SP3: variants seen among roughly 807,000 people sequenced by gnomAD.
SP3 encodes the protein Sp3 transcription factor, also known as transcription factor Sp3.
SP3 carries 10 observed loss-of-function variants against 70.3 expected under a neutral mutation model. The observed-to-expected ratio is 0.14, with a 90% CI of 0.09 to 0.24. The LOEUF (loss-of-function observed/expected upper bound fraction) is 0.24. Ranked by LOEUF, SP3 falls within the 10% of genes least tolerant of loss-of-function variation. SP3 has a pLI of 1.00. For missense variants in SP3, 825 were observed against 914.6 expected (o/e 0.90, Z 1.26); for synonymous variants, 402 against 333.5 (o/e 1.21, Z -2.24).
Position 173,907,177 on chromosome 2 carries a change from T to C in SP3, c.*2764A>G, listed in dbSNP as rs1488276962. 2 of 152,174 alleles carry C rather than the reference T, an allele frequency of 1.3e-5. No individual in the cohort carries two copies. Among genetic ancestry groups the C allele is most frequent in the East Asian group, 1.9e-4 (1 of 5,196 alleles). 9.4% of individuals were successfully genotyped at this position (152,174 alleles called of 1,614,324 possible). A position where few individuals can be genotyped will look rare whatever the true frequency, so the allele number is the denominator to read the frequency against. ...TAAATTAAAATTTGAGGTATACAGA[T>C]AATCGCGTCCACTAAATGTTACAAC... On this transcript the variant is annotated 3_prime_UTR_variant, in exon 7 of 7. Transcript: ENST00000310015.
intron 6 of SP3, among the ~76,000 whole-genome samples, chr2:173,910,600 TTAAAGTC>T (rs1198627416): frequency 6.6e-6 from 1 of 152,228 alleles, no homozygotes; most frequent in African/African-American, 2.4e-5. Flanking sequence ...ATAACACACT[TTAAAGTC>T]TAAATAAAAG....
At chr2:173,942,693 T>C (rs1377153419) in intron 4 of SP3, among the ~76,000 whole-genome samples, 1 of 152,134 alleles carries the variant, frequency 6.6e-6, no homozygotes, top group Non-Finnish European at 1.5e-5. Context: ...GATCTAATAG[T>C]CATTTCAGAT....
intron 4 of SP3, among the ~76,000 whole-genome samples, chr2:173,934,104 G>C (rs1690149839): frequency 2.6e-5 from 4 of 151,970 alleles, no homozygotes; most frequent in African/African-American, 7.3e-5. Flanking sequence ...GCAAGGCACA[G>C]TGCGGGGCAC....
chr2:173,943,494 TTTTTAA>T (rs1361791702), intron 4 of SP3, among the ~76,000 whole-genome samples: 3 of 152,162 alleles, frequency 2.0e-5, no homozygotes, highest in African/African-American at 4.8e-5. Flanking sequence ...TTTACTTTCC[TTTTTAA>T]TTTTCTTTTT....
intron 1 of SP3, 164 bp from the exon 2 acceptor site, chr2:173,964,717 C>T (rs1691230879): frequency 8.3e-6 from 3 of 361,048 alleles, no homozygotes; most frequent in East Asian, 4.1e-5. Flanking sequence ...TCCCTCCTCC[C>T]CTCCTGCTGC....
chr2:173,942,386 T>C (rs1420683932), intron 4 of SP3, among the ~76,000 whole-genome samples: 5 of 152,096 alleles, frequency 3.3e-5, no homozygotes, highest in Non-Finnish European at 7.4e-5. Flanking sequence ...GCCAGCATGG[T>C]GAAACCCCAT....
intron 4 of SP3, among the ~76,000 whole-genome samples, chr2:173,927,038 G>C (rs755983899): frequency 5.3e-5 from 8 of 152,058 alleles, no homozygotes; most frequent in Non-Finnish European, 7.4e-5. Flanking sequence ...AAGGCAAAAG[G>C]AGAGCTGGCA....
intron 4 of SP3, among the ~76,000 whole-genome samples, chr2:173,953,163 T>G (rs139244682): frequency 1.3e-5 from 2 of 152,384 alleles, no homozygotes; most frequent in East Asian, 3.9e-4. Flanking sequence ...ACTGGGATTT[T>G]TCTTTAACTG....
rs7561583 is a variant in SP3, at chr2:173,910,145, T to G, written c.2142A>C (p.Thr714=). Residue 714 remains threonine (T), a synonymous_variant, in exon 7 of 7, where the codon ACA becomes ACC. Transcript: ENST00000310015. ...QNKKGIHSSS[T]VLASVEAARD... is the part of the protein sequence containing the mutation. Reference sequence around the variant, plus strand: ...GCGCAGCTTCCACAGATGCCAGCACTGTACTGCTAGAGTGAATACCTTTTT... The same window carrying G: ...GCGCAGCTTCCACAGATGCCAGCACGGTACTGCTAGAGTGAATACCTTTTT... 2,987 of 1,613,902 alleles carry G rather than the reference T, an allele frequency of 1.9e-3. 56 individuals carry two copies. In the African/African-American group the frequency reaches 0.035, roughly 19 times the overall value.
chr2:173,965,032 A>C, intron 1 of SP3, 133 bp downstream of exon 1: 3 of 1,211,922 alleles, frequency 2.5e-6, no homozygotes, highest in Non-Finnish European at 3.5e-6. Context: ...AGGGGAGTGC[A>C]GCTTTCTGCC....
intron 3 of SP3, 38 bp downstream of exon 3, chr2:173,963,723 C>A (rs1033010595): frequency 1.1e-6 from 1 of 870,152 alleles, no homozygotes; most frequent in Admixed American, 6.0e-5. Context: ...ATGGCGGGCG[C>A]CCGGCCTCGG....
chr2:173,910,816 A>C (rs981087756), intron 6 of SP3, among the ~76,000 whole-genome samples: 7 of 152,182 alleles, frequency 4.6e-5, no homozygotes, highest in Non-Finnish European at 1.0e-4. Flanking sequence ...ACAACAATCA[A>C]GAACAAGCCT....
chr2:173,946,700 T>C (rs1448858359), intron 4 of SP3, among the ~76,000 whole-genome samples: 1 of 151,062 alleles, frequency 6.6e-6, no homozygotes, highest in Non-Finnish European at 1.5e-5. Context: ...GACATCTGTG[T>C]GGCTAAAAAG....
At position 173,922,349 on chromosome 2, in the gene SP3, T is replaced by C. The variant is rs557076626; in HGVS notation, c.1640-3564A>G. 8.3e-4 allele frequency among the ~76,000 whole-genome samples: 126 copies of C among 151,496 alleles called. 1 individual carries two copies. Among genetic ancestry groups the C allele is most frequent in the Admixed American group, 2.0e-3 (30 of 15,178 alleles). On this transcript the variant is annotated intron_variant, in intron 4 of 6. Transcript: ENST00000310015. ...GATGGAGTTGCCATTAACTGAGATA[T>C]GGTAAACTGAAGGTAGAAAAGATTG...
At chr2:173,912,955 A>T in intron 6 of SP3, 115 bp downstream of exon 6, 1 of 672,292 alleles carries the variant, frequency 1.5e-6, no homozygotes, top group Non-Finnish European at 2.1e-6. Flanking sequence ...ATTGGATGTA[A>T]TTCATTGTAT....
intron 4 of SP3, among the ~76,000 whole-genome samples, chr2:173,922,657 G>A (rs1689789342): frequency 6.6e-6 from 1 of 152,066 alleles, no homozygotes; most frequent in African/African-American, 2.4e-5. Context: ...CTGGTGTCCA[G>A]AAACCAAACT....
chr2:173,961,382 A>C (rs1691070244), intron 3 of SP3, among the ~76,000 whole-genome samples: 1 of 152,224 alleles, frequency 6.6e-6, no homozygotes, highest in African/African-American at 2.4e-5. Context: ...ACCAAGCTAA[A>C]CTGGCATAAA....
At chr2:173,947,923 G>A (rs1690593136) in intron 4 of SP3, among the ~76,000 whole-genome samples, 1 of 152,184 alleles carries the variant, frequency 6.6e-6, no homozygotes, top group African/African-American at 2.4e-5. Context: ...CAATGGTTCA[G>A]ATTGGTTCAG....
chr2:173,930,393 T>A (rs1271685855), intron 4 of SP3, among the ~76,000 whole-genome samples: 1 of 151,976 alleles, frequency 6.6e-6, no homozygotes, highest in Non-Finnish European at 1.5e-5. Context: ...ACAGGGAGAC[T>A]GCCTCTAATT....
Sources: gnomAD v4.1 joint callset for allele counts (sites outside exome capture counted in the v4.1 genomes callset) on GRCh38, gnomAD v4.1.1 for gene constraint, MANE v1.5 for transcripts, NCBI Gene and HGNC (gene_info 2026-07-23, HGNC 2026-07-21) for gene names.